TMCO5A: variants seen among roughly 807,000 people sequenced by gnomAD.
The protein encoded by TMCO5A is transmembrane and coiled-coil domain-containing protein 5A.
A neutral mutation model predicts 42.3 loss-of-function variants in TMCO5A; 34 were observed. The observed-to-expected ratio is 0.80, with a 90% CI of 0.61 to 1.07. TMCO5A has a LOEUF of 1.07. Among genes scored for constraint, TMCO5A ranks in the 50% least tolerant of loss-of-function variants. TMCO5A has a pLI of 0.00. For synonymous variants in TMCO5A, 131 were observed against 115.6 expected (o/e 1.13, Z -0.86); for missense variants, 357 against 327.9 (o/e 1.09, Z -0.69).
At chr15:37,972,107 C>T (rs1890684596), downstream of TMCO5A, among the ~76,000 whole-genome samples, 1 of 152,138 alleles carries the variant, frequency 6.6e-6, no homozygotes, top group Non-Finnish European at 1.5e-5. Flanking sequence ...GGGCAATTTA[C>T]AAAAGAAAGA....
chr15:37,956,455 AT>A (rs1389771397), intron 11 of TMCO5A, among the ~76,000 whole-genome samples: 1 of 152,218 alleles, frequency 6.6e-6, no homozygotes, highest in Non-Finnish European at 1.5e-5. Context: ...AAAGAATACT[AT>A]AAACACCTCT....
chr15:37,987,984 A>T, the TMCO5A span, among the ~76,000 whole-genome samples: 2 of 152,090 alleles, frequency 1.3e-5, no homozygotes, highest in East Asian at 3.9e-4. Flanking sequence ...TAAGTCTCCC[A>T]ATCCATGAAT....
chr15:37,945,952 G>C (rs899812013), intron 10 of TMCO5A, among the ~76,000 whole-genome samples: 3 of 151,992 alleles, frequency 2.0e-5, no homozygotes, highest in African/African-American at 7.2e-5. Flanking sequence ...GCCCATGCCT[G>C]TGTCCATGGT....
the TMCO5A span, among the ~76,000 whole-genome samples, chr15:38,013,888 T>A: frequency 6.6e-6 from 1 of 152,196 alleles, no homozygotes; most frequent in Non-Finnish European, 1.5e-5. Context: ...GCTGCATTCC[T>A]TCTGCAGGCT....
At chr15:37,948,323 T>C (rs1328334559) in intron 11 of TMCO5A, among the ~76,000 whole-genome samples, 1 of 152,104 alleles carries the variant, frequency 6.6e-6, no homozygotes, top group Non-Finnish European at 1.5e-5. Flanking sequence ...TATAATCTGT[T>C]TAAGAAGGCA....
chr15:37,951,009 A>T, intron 11 of TMCO5A, 27 bp from the exon 12 acceptor site: 1 of 1,600,046 alleles, frequency 6.2e-7, no homozygotes, highest in Non-Finnish European at 8.5e-7. Flanking sequence ...GCTTCTGGTT[A>T]ACAGTTTCAT....
chr15:38,018,650 C>T, the TMCO5A span, among the ~76,000 whole-genome samples: 871 of 149,982 alleles, frequency 5.8e-3, 8 homozygotes, highest in African/African-American at 0.021. Flanking sequence ...AGATGAAGAA[C>T]GAAAAAAATA....
At chr15:37,975,430 G>A in the TMCO5A span, among the ~76,000 whole-genome samples, 3 of 144,848 alleles carry the variant, frequency 2.1e-5, no homozygotes, top group Non-Finnish European at 4.4e-5. Context: ...TGTGTTGCAT[G>A]CATATATATT....
intron 9 of TMCO5A, chr15:37,942,961 C>A (rs569033256): frequency 2.4e-4 from 38 of 158,794 alleles, no homozygotes; most frequent in Non-Finnish European, 3.2e-4. Flanking sequence ...TAGCCTCTCT[C>A]TATATATATA....
intron 11 of TMCO5A, among the ~76,000 whole-genome samples, chr15:37,961,663 G>A (rs567089910): frequency 4.6e-4 from 70 of 152,098 alleles, no homozygotes; most frequent in African/African-American, 1.5e-3. Flanking sequence ...CTACCCATCC[G>A]TGAGCATGGG....
rs774920399 is a variant in TMCO5A at position 37,936,827 on chromosome 15, C to T, written c.141-20C>T. 1.2e-6 allele frequency: 2 copies of T among 1,610,024 alleles called. No individual in the cohort carries two copies. The highest frequency in any genetic ancestry group is 3.3e-5 in the Admixed American group (2 of 59,756). On this transcript the variant is annotated intron_variant, in intron 3 of 11. Transcript: ENST00000319669. ...AACTGCCAAGCATGGGTCCTCATGG[C>T]ATGTGCTTGTGTTGTCCAGGCTGGA...
At chr15:37,982,448 A>T in the TMCO5A span, among the ~76,000 whole-genome samples, 1 of 133,202 alleles carries the variant, frequency 7.5e-6, no homozygotes, top group Non-Finnish European at 1.5e-5. Context: ...ATACAAATAT[A>T]TATAACACCT....
chr15:37,999,023 C>T, the TMCO5A span, among the ~76,000 whole-genome samples: 8 of 152,208 alleles, frequency 5.3e-5, no homozygotes, highest in Non-Finnish European at 5.9e-5. Flanking sequence ...TCTCCTGTCT[C>T]AGGCTCCCTA....
chr15:37,943,267 T>A (rs1449924968), intron 9 of TMCO5A, 74 bp from the exon 10 acceptor site: 39 of 1,437,980 alleles, frequency 2.7e-5, no homozygotes, highest in South Asian at 7.3e-5. Context: ...AAAGCTTTTT[T>A]AAAATAACCA....
chr15:37,993,179 G>T, the TMCO5A span, among the ~76,000 whole-genome samples: 2 of 151,180 alleles, frequency 1.3e-5, no homozygotes, highest in Admixed American at 1.3e-4. Context: ...TATGAGAGTT[G>T]CTTTAAAGTA....
chr15:37,949,801 C>T (rs917095306), intron 11 of TMCO5A, among the ~76,000 whole-genome samples: 7 of 151,994 alleles, frequency 4.6e-5, no homozygotes, highest in Non-Finnish European at 8.8e-5. Context: ...AAAGAACAAA[C>T]ATTTATTAGC....
At chr15:37,942,312 T>G in intron 9 of TMCO5A, 57 bp downstream of exon 9, 1 of 1,554,840 alleles carries the variant, frequency 6.4e-7, no homozygotes. Flanking sequence ...TCAGCCTGAG[T>G]CAGAGCAAAC....
At chr15:37,974,887 A>T in the TMCO5A span, among the ~76,000 whole-genome samples, 1 of 151,994 alleles carries the variant, frequency 6.6e-6, no homozygotes, top group Non-Finnish European at 1.5e-5. Context: ...AATGCTATAA[A>T]TTTTTCTCTA....
chr15:37,963,285 T>C (rs894469415), intron 11 of TMCO5A, among the ~76,000 whole-genome samples: 1 of 152,164 alleles, frequency 6.6e-6, no homozygotes, highest in African/African-American at 2.4e-5. Context: ...ATTTTTTAAT[T>C]TCCATCTTCA....
Sources: allele counts gnomAD v4.1 joint callset (sites outside exome capture counted in the v4.1 genomes callset), GRCh38; gene constraint gnomAD v4.1.1; transcripts MANE v1.5; gene names NCBI Gene and HGNC (gene_info 2026-07-23, HGNC 2026-07-21).